The following ABCG8 variants were observed in gnomAD, a reference collection of about 807,000 sequenced individuals.
ABCG8 encodes the protein ATP-binding cassette sub-family G member 8.
Under a neutral mutation model 71.3 loss-of-function variants are expected in ABCG8, and 81 were observed. That is an observed-to-expected ratio of 1.14 (90% CI 0.95 to 1.37). The LOEUF is 1.37. ABCG8 is among the 40% of genes most tolerant of loss of function. The pLI, the probability that ABCG8 is intolerant of heterozygous loss-of-function variation, is 0.00. For missense variants in ABCG8, 1,119 were observed against 866.2 expected (o/e 1.29, Z -3.66); for synonymous variants, 451 against 354.7 (o/e 1.27, Z -3.05).
At chr2:43,856,390 A>G (rs1019301496) in intron 6 of ABCG8, among the ~76,000 whole-genome samples, 2 of 151,958 alleles carry the variant, frequency 1.3e-5, no homozygotes, top group South Asian at 2.1e-4. Context: ...CCCTGTCTGG[A>G]TAGAACTCTC....
Position 43,843,427 on chromosome 2 carries a change from C to A in ABCG8, c.64-1080C>A, listed in dbSNP as rs142291002. Among the ~76,000 whole-genome samples, 380 of 152,186 alleles carry A rather than the reference C, an allele frequency of 2.5e-3. 2 individuals are homozygous for A. Among genetic ancestry groups the A allele is most frequent in the Middle Eastern group, 0.01 (3 of 292 alleles). ...ATGGAGGTCAGACGAGGTGGTTCAC[C>A]CTTGTAATCACAGCACTTTGGGATG... On this transcript the variant is annotated intron_variant, in intron 1 of 12. Coordinates refer to ENST00000272286, the MANE Select transcript of ABCG8 (RefSeq NM_022437.3).
intron 6 of ABCG8, among the ~76,000 whole-genome samples, chr2:43,860,832 T>C (rs1393346884): frequency 2.0e-5 from 3 of 146,660 alleles, no homozygotes; most frequent in Non-Finnish European, 4.6e-5. Context: ...CTGTATAGAA[T>C]TCTCACCCTC....
intron 6 of ABCG8, among the ~76,000 whole-genome samples, chr2:43,864,844 A>T (rs1382538202): frequency 6.6e-6 from 1 of 151,832 alleles, no homozygotes; most frequent in East Asian, 1.9e-4. Context: ...CACTATCTGG[A>T]TAGAACTCTC....
At chr2:43,845,436 A>G (rs1668714511) in intron 2 of ABCG8, among the ~76,000 whole-genome samples, 1 of 152,116 alleles carries the variant, frequency 6.6e-6, no homozygotes, top group African/African-American at 2.4e-5. Context: ...AAGGATTCTG[A>G]GCATATCTAT....
Position 43,876,873 on chromosome 2 carries a change from G to A in ABCG8, c.1757-688G>A, listed in dbSNP as rs571594716. ...TCGTCGGAATATGGGGAGATTGTGC[G>A]AATATGGGGAGACCATGGGAATATG... On this transcript the variant is annotated intron_variant, in intron 11 of 12. Coordinates refer to ENST00000272286, the MANE Select transcript of ABCG8 (RefSeq NM_022437.3). 3.4e-3 allele frequency among the ~76,000 whole-genome samples: 515 copies of A among 149,640 alleles called. 3 individuals carry two copies. Among genetic ancestry groups the A allele is most frequent in the African/African-American group, 0.011 (465 of 40,608 alleles).
In ABCG8 at chr2:43,874,432, C is replaced by G. The variant is rs767923923; in HGVS notation, c.1437C>G (p.Tyr479Ter). 3 of 1,613,670 alleles carry G rather than the reference C, an allele frequency of 1.9e-6. No homozygotes were observed. The highest frequency in any genetic ancestry group is 2.2e-5 in the South Asian group (2 of 91,068). ...GTTACTCAGAGAGGGCAATGCTTTA[C>G]TATGAACTGGAAGACGGGCTGTACA... ...SKCYSERAMLYYELEDGLYTT... is the reference protein window; with the variant it reads ...SKCYSERAML The change falls in exon 10 of 13, where the codon TAC (tyrosine) becomes TAG (stop). Residue 479 changes from tyrosine (Y) to a stop codon, truncating the protein, a stop_gained. Coordinates refer to ENST00000272286, the MANE Select transcript of ABCG8 (RefSeq NM_022437.3). LOFTEE classifies it high-confidence loss of function.
chr2:43,868,606 G>A (rs980073598), intron 6 of ABCG8, among the ~76,000 whole-genome samples: 2 of 151,610 alleles, frequency 1.3e-5, no homozygotes, highest in Non-Finnish European at 2.9e-5. Context: ...ATCATCGTCT[G>A]GATAGAACTC....
At position 43,878,420 on chromosome 2, in the gene ABCG8, G is replaced by C. The variant is rs924068482; in HGVS notation, c.*507G>C. Reference sequence around the variant, plus strand: ...ATCCCTTCTTTTTGTGTGGGGTCATGGGCTCCAAAAGCCAACGTGAACAAT... The same window carrying C: ...ATCCCTTCTTTTTGTGTGGGGTCATCGGCTCCAAAAGCCAACGTGAACAAT... On this transcript the variant is annotated 3_prime_UTR_variant, in exon 13 of 13. Transcript: ENST00000272286. 4 of 221,330 alleles carry C rather than the reference G, an allele frequency of 1.8e-5. No individual in the cohort carries two copies. The highest frequency in any genetic ancestry group is 9.2e-6 in the Non-Finnish European group (1 of 108,930). 13.7% of individuals were successfully genotyped at this position (221,330 alleles called of 1,614,324 possible).
intron 10 of ABCG8, among the ~76,000 whole-genome samples, chr2:43,874,871 G>A (rs1387459947): frequency 6.6e-6 from 1 of 152,148 alleles, no homozygotes; most frequent in African/African-American, 2.4e-5. Flanking sequence ...TCTGGTCAGG[G>A]GGAGTAGGGA....
intron 6 of ABCG8, among the ~76,000 whole-genome samples, chr2:43,855,822 A>G (rs1051547373): frequency 4.0e-5 from 6 of 149,382 alleles, no homozygotes; most frequent in Non-Finnish European, 6.0e-5. Context: ...TTCTCCCTCT[A>G]TGGATAGAAC....
intron 1 of ABCG8, among the ~76,000 whole-genome samples, chr2:43,843,260 T>G (rs1463081089): frequency 6.6e-6 from 1 of 151,360 alleles, no homozygotes; most frequent in East Asian, 1.9e-4. Flanking sequence ...TCCCCATAAG[T>G]GTTTGTTGGG....
Position 43,880,822 on chromosome 2 carries a change from C to T in ABCG8, c.*2909C>T, listed in dbSNP as rs76988379. On this transcript the variant is annotated 3_prime_UTR_variant, in exon 13 of 13. Transcript: ENST00000272286. The stretch of plus-strand genomic sequence containing the variant: ...GCTTCCATTACCCTTAGGTTATTTA[C>T]TCATTTGATTAACCGCCTGCAGGTA... The T allele has an allele frequency of 5.6e-3, 847 of 152,344 alleles. 6 individuals carry two copies. The highest frequency in any genetic ancestry group is 0.019 in the African/African-American group (793 of 41,572). 9.4% of individuals were successfully genotyped at this position (152,344 alleles called of 1,614,324 possible).
intron 6 of ABCG8, among the ~76,000 whole-genome samples, chr2:43,856,895 C>T (rs1352291595): frequency 6.7e-6 from 1 of 148,438 alleles, no homozygotes; most frequent in Non-Finnish European, 1.5e-5. Context: ...TGGTAGAATT[C>T]TCACCATCTG....
At chr2:43,865,215 AC>A (rs200411545) in intron 6 of ABCG8, among the ~76,000 whole-genome samples, 1,992 of 140,934 alleles carry the variant, frequency 0.014, 6 homozygotes, top group Middle Eastern at 0.047. Flanking sequence ...TAGAATTCTC[AC>A]CATCTGCATG....
chr2:43,880,779 C>T lies in ABCG8; in HGVS notation c.*2866C>T, dbSNP rs527490517. ...TTGATCCTAGGTTCTTCCCTCTTCTCTAATTGTGAGAAACCTGGCTTCCAT... is the reference window on the plus strand; with the variant it reads ...TTGATCCTAGGTTCTTCCCTCTTCTTTAATTGTGAGAAACCTGGCTTCCAT... On this transcript the variant is annotated 3_prime_UTR_variant, in exon 13 of 13. Coordinates refer to ENST00000272286, the MANE Select transcript of ABCG8 (RefSeq NM_022437.3). 1 of 152,398 alleles carries T rather than the reference C, an allele frequency of 6.6e-6. No homozygotes were observed. Among genetic ancestry groups the T allele is most frequent in the East Asian group, 1.9e-4 (1 of 5,180 alleles). The allele number at this position is 152,398 out of a possible 1,614,324, so 9.4% of individuals were successfully genotyped here.
At chr2:43,862,632 A>T (rs931070357) in intron 6 of ABCG8, among the ~76,000 whole-genome samples, 1 of 150,038 alleles carries the variant, frequency 6.7e-6, no homozygotes, top group Non-Finnish European at 1.5e-5. Flanking sequence ...TATTCTCACT[A>T]TCTGGATAGA....
chr2:43,874,538 T>G, intron 10 of ABCG8, 55 bp downstream of exon 10: 1 of 1,449,440 alleles, frequency 6.9e-7, no homozygotes, highest in Non-Finnish European at 9.7e-7. Flanking sequence ...TGGGGGTAAG[T>G]GTGGAGAAAA....
At position 43,844,622 on chromosome 2, in the gene ABCG8, TG is replaced by T; in HGVS notation, c.165+17del. 6.2e-7 allele frequency: 1 copy of T among 1,600,162 alleles called. No individual in the cohort carries two copies. Among genetic ancestry groups the T allele is most frequent in the Non-Finnish European group, 8.6e-7 (1 of 1,167,424 alleles). ...CTCAACTACCAGGTAGAGGCACGCC[TG>T]GGTTCAAGGGGAGAGGAGCAGGCAG... is the stretch of plus-strand genomic sequence containing the variant. On this transcript the variant is annotated intron_variant, in intron 2 of 12. Transcript: ENST00000272286.
intron 6 of ABCG8, among the ~76,000 whole-genome samples, chr2:43,861,029 T>C (rs1362913019): frequency 6.6e-6 from 1 of 151,232 alleles, no homozygotes; most frequent in Non-Finnish European, 1.5e-5. Context: ...ATTATCACTA[T>C]CTATCGGGAT....
Sources: gnomAD v4.1 joint callset for allele counts (sites outside exome capture counted in the v4.1 genomes callset) on GRCh38, gnomAD v4.1.1 for gene constraint, MANE v1.5 for transcripts, NCBI Gene and HGNC (gene_info 2026-07-23, HGNC 2026-07-21) for gene names.